CLIP2: variants seen among roughly 807,000 people sequenced by gnomAD.
CLIP2 encodes the protein CAP-Gly domain containing linker protein 2, also known as CAP-Gly domain-containing linker protein 2.
CLIP2 carries 41 observed loss-of-function variants against 111.7 expected under a neutral mutation model. The ratio of observed to expected loss-of-function variants is 0.37; its 90% CI spans 0.29 to 0.48. CLIP2 has a LOEUF of 0.48. Among genes scored for constraint, CLIP2 ranks in the 20% least tolerant of loss-of-function variants. The probability of loss-of-function intolerance (pLI) is 0.99; values close to 1 mark genes in which losing one functional copy is unlikely to be tolerated. For missense variants in CLIP2, 1,160 were observed against 1,422.1 expected (o/e 0.82, Z 2.96); for synonymous variants, 660 against 644.2 (o/e 1.02, Z -0.37).
At chr7:74,347,142 G>A (rs1303386082) in intron 3 of CLIP2, among the ~76,000 whole-genome samples, 1 of 152,116 alleles carries the variant, frequency 6.6e-6, no homozygotes, top group African/African-American at 2.4e-5. Flanking sequence ...TGTTCCCCTT[G>A]CCTGGTGACT....
intron 11 of CLIP2, among the ~76,000 whole-genome samples, chr7:74,382,386 C>T (rs1790972554): frequency 6.7e-6 from 1 of 148,668 alleles, no homozygotes; most frequent in African/African-American, 2.5e-5. Flanking sequence ...CTCACCACAA[C>T]CTCCACCTCC....
rs187065485 is a variant in CLIP2 at position 74,322,817 on chromosome 7, G to A, written c.121+5150G>A. Among the ~76,000 whole-genome samples the A allele has an allele frequency of 4.1e-4, 62 of 151,718 alleles. 1 individual carries two copies. Among genetic ancestry groups the A allele is most frequent in the African/African-American group, 1.2e-3 (51 of 41,404 alleles). On this transcript the variant is annotated intron_variant, in intron 2 of 16. Coordinates refer to ENST00000223398, the MANE Select transcript of CLIP2 (RefSeq NM_003388.5). ...GCGATCTTGGCTCACTGCAACCTTCGACTCCCTGGTTCAGGCGATTCTCCT... is the reference window on the plus strand; with the variant it reads ...GCGATCTTGGCTCACTGCAACCTTCAACTCCCTGGTTCAGGCGATTCTCCT...
At chr7:74,313,472 A>G (rs1286928976) in intron 1 of CLIP2, among the ~76,000 whole-genome samples, 1 of 151,698 alleles carries the variant, frequency 6.6e-6, no homozygotes, top group Non-Finnish European at 1.5e-5. Flanking sequence ...AGGCAGGAGA[A>G]TGGCATGAAC....
chr7:74,297,496 C>G (rs888980971), intron 1 of CLIP2, among the ~76,000 whole-genome samples: 1 of 151,902 alleles, frequency 6.6e-6, no homozygotes, highest in African/African-American at 2.4e-5. Flanking sequence ...CCCAAAAAAC[C>G]GAATAAGAAA....
chr7:74,404,764 C>T lies in CLIP2; in HGVS notation c.*916C>T, dbSNP rs573981448. On this transcript the variant is annotated 3_prime_UTR_variant, in exon 17 of 17. Coordinates refer to ENST00000223398, the MANE Select transcript of CLIP2 (RefSeq NM_003388.5). ...TATCTGCATCCACCTGGAGATGCAG[C>T]TAAGTGGGTCCTTATGTACACACCA... 5 of 152,366 alleles carry T rather than the reference C, an allele frequency of 3.3e-5. No homozygotes were observed. In the East Asian group the frequency reaches 7.7e-4, roughly 24 times the overall value. The allele number at this position is 152,366 out of a possible 1,614,324, so 9.4% of individuals were successfully genotyped here.
intron 3 of CLIP2, among the ~76,000 whole-genome samples, chr7:74,351,563 T>C (rs1554307572): frequency 6.6e-6 from 1 of 151,684 alleles, no homozygotes; most frequent in African/African-American, 2.4e-5. Context: ...CAGCCAGACG[T>C]GGTGGCTCAC....
At chr7:74,361,056 C>T (rs1355425633) in intron 7 of CLIP2, among the ~76,000 whole-genome samples, 1 of 151,710 alleles carries the variant, frequency 6.6e-6, no homozygotes, top group Non-Finnish European at 1.5e-5. Context: ...CAACCCTGGA[C>T]TGAGACCTGT....
chr7:74,377,161 C>T (rs782577567), intron 10 of CLIP2, among the ~76,000 whole-genome samples: 4 of 152,226 alleles, frequency 2.6e-5, no homozygotes, highest in East Asian at 1.9e-4. Flanking sequence ...TCCTAGGACC[C>T]GGGACCTCAG....
chr7:74,403,321 A>G (rs1791674161), intron 16 of CLIP2, among the ~76,000 whole-genome samples: 1 of 151,978 alleles, frequency 6.6e-6, no homozygotes, highest in African/African-American at 2.4e-5. Flanking sequence ...CTGTAATCCC[A>G]GAACTTTGGG....
intron 8 of CLIP2, among the ~76,000 whole-genome samples, chr7:74,370,995 C>A (rs1386697200): frequency 6.6e-6 from 1 of 152,048 alleles, no homozygotes; most frequent in Admixed American, 6.6e-5. Flanking sequence ...CACATGTAAT[C>A]CCAGCACTTT....
At chr7:74,292,912 C>T (rs956074463) in intron 1 of CLIP2, among the ~76,000 whole-genome samples, 5 of 152,244 alleles carry the variant, frequency 3.3e-5, no homozygotes, top group African/African-American at 1.2e-4. Context: ...TCTGCCTTCT[C>T]AGACACCTAT....
intron 2 of CLIP2, 113 bp downstream of exon 2, chr7:74,317,780 C>G: frequency 8.0e-7 from 1 of 1,251,940 alleles, no homozygotes; most frequent in African/African-American, 1.5e-5. Flanking sequence ...ATGGGGGACG[C>G]TGAGTGTCAT....
At chr7:74,320,088 C>G (rs1788903122) in intron 2 of CLIP2, among the ~76,000 whole-genome samples, 1 of 148,948 alleles carries the variant, frequency 6.7e-6, no homozygotes, top group African/African-American at 2.5e-5. Flanking sequence ...CCCAGCTACT[C>G]GAGAGGCTGA....
rs782790450 is a variant in CLIP2, at chr7:74,397,058, C to A, written c.2721-16C>A. 2 of 1,611,630 alleles carry A rather than the reference C, an allele frequency of 1.2e-6. No homozygotes were observed. The highest frequency in any genetic ancestry group is 3.3e-5 in the Admixed American group (2 of 59,788). ...CAGGGCTGAGTGCAGTGGTTCTGTG[C>A]CCGCCTCACCCCCAGGAGCCTGAAC... On this transcript the variant is annotated splice_polypyrimidine_tract_variant and intron_variant, in intron 13 of 16. Coordinates refer to ENST00000223398, the MANE Select transcript of CLIP2 (RefSeq NM_003388.5).
Position 74,339,080 on chromosome 7 carries a change from A to AC in CLIP2, c.678+82dup, listed in dbSNP as rs1789576521. 2.5e-5 allele frequency: 36 copies of AC among 1,437,996 alleles called. No individual in the cohort carries two copies. In the South Asian group the frequency reaches 2.6e-4, roughly 10 times the overall value. 89.1% of individuals were successfully genotyped at this position (1,437,996 alleles called of 1,614,324 possible). A position where few individuals can be genotyped will look rare whatever the true frequency, so the allele number is the denominator to read the frequency against. ...GCTCCGCCCCACTTGGCGAAGCTGG[A>AC]CCCCCCTGGGCTGGGCAGGGTGGGG... On this transcript the variant is annotated intron_variant, in intron 3 of 16. Coordinates refer to ENST00000223398, the MANE Select transcript of CLIP2 (RefSeq NM_003388.5).
Position 74,338,791 on chromosome 7 carries a change from G to T in CLIP2, c.465G>T (p.Gly155=), listed in dbSNP as rs782080153. 4.3e-6 allele frequency: 7 copies of T among 1,611,098 alleles called. No individual in the cohort carries two copies. The highest frequency in any genetic ancestry group is 5.9e-6 in the Non-Finnish European group (7 of 1,179,754). Residue 155 remains glycine (G), a synonymous_variant, in exon 3 of 17, where the codon GGG becomes GGT. Coordinates refer to ENST00000223398, the MANE Select transcript of CLIP2 (RefSeq NM_003388.5). This position sits in a 1 kb window ranked among gnomAD's most constrained non-coding sequence, Gnocchi z 4.3. The stretch of plus-strand genomic sequence containing the variant: ...GGCAGCCCACGGCCGAGGGCTCGGG[G>T]AGTGATGCCCACTCCGTGGAGTCGC... ...LTRQPTAEGS[G]SDAHSVESLT...
intron 1 of CLIP2, among the ~76,000 whole-genome samples, chr7:74,311,550 C>G (rs1327585228): frequency 6.6e-6 from 1 of 152,062 alleles, no homozygotes; most frequent in East Asian, 1.9e-4. Context: ...TATATTCAAA[C>G]CTTTCACCCA....
At chr7:74,390,211 AAG>A (rs1468967730) in intron 13 of CLIP2, among the ~76,000 whole-genome samples, 1 of 95,732 alleles carries the variant, frequency 1.0e-5, no homozygotes, top group Non-Finnish European at 2.5e-5. Context: ...GAAAGAAAGA[AAG>A]AAAGAAAGAA....
intron 11 of CLIP2, among the ~76,000 whole-genome samples, chr7:74,382,608 G>A (rs1199014998): frequency 2.0e-5 from 3 of 150,826 alleles, no homozygotes; most frequent in South Asian, 2.1e-4. Context: ...CACCATGCCC[G>A]GCTTCTATTT....
Sources: allele counts gnomAD v4.1 joint callset (sites outside exome capture counted in the v4.1 genomes callset), GRCh38; gene constraint gnomAD v4.1.1; non-coding constraint Gnocchi (gnomAD v3.1); transcripts MANE v1.5; gene names NCBI Gene and HGNC (gene_info 2026-07-23, HGNC 2026-07-21).